The following ADARB2 variants were observed in gnomAD, a reference collection of about 807,000 sequenced individuals.
The protein encoded by ADARB2 is adenosine deaminase RNA specific B2 (inactive).
Under a neutral mutation model 62.2 loss-of-function variants are expected in ADARB2, and 25 were observed. That is an observed-to-expected ratio of 0.40 (90% CI 0.29 to 0.56). The LOEUF is 0.56. Among genes scored for constraint, ADARB2 ranks in the 20% least tolerant of loss-of-function variants. ADARB2 has a pLI of 0.43. For synonymous variants in ADARB2, 572 were observed against 500.8 expected, an observed-to-expected ratio of 1.14 and a Z score of -1.90; for missense variants, 1,071 against 1,077.4, an observed-to-expected ratio of 0.99 and a Z score of 0.08.
intron 1 of ADARB2, among the ~76,000 whole-genome samples, chr10:1,581,769 G>A (rs1833102926): frequency 6.6e-6 from 1 of 152,020 alleles, no homozygotes; most frequent in Non-Finnish European, 1.5e-5. Flanking sequence ...CATAGACATA[G>A]TGCATAGAGA....
chr10:1,247,312 A>T (rs1367749418), intron 4 of ADARB2, among the ~76,000 whole-genome samples: 1 of 152,300 alleles, frequency 6.6e-6, no homozygotes, highest in Admixed American at 6.5e-5. Flanking sequence ...CTAATTGAAT[A>T]ACCTTTATTT....
At position 1,598,710 on chromosome 10, in the gene ADARB2, G is replaced by C. The variant is rs964915485; in HGVS notation, c.100+138341C>G. On this transcript the variant is annotated intron_variant, in intron 1 of 9. Transcript: ENST00000381312. Reference sequence around the variant, plus strand: ...TGCAGAAGGCCCCAGGAGAGCTGGCGTGGGGACACGAAGGAGCTGGCTGTC... The same window carrying C: ...TGCAGAAGGCCCCAGGAGAGCTGGCCTGGGGACACGAAGGAGCTGGCTGTC... 2.0e-5 allele frequency among the ~76,000 whole-genome samples: 3 copies of C among 152,242 alleles called. No individual in the cohort carries two copies. The East Asian group carries it at 5.8e-4, about 29-fold the overall frequency.
chr10:1,697,157 C>T (rs944925501), intron 1 of ADARB2, among the ~76,000 whole-genome samples: 3 of 152,104 alleles, frequency 2.0e-5, no homozygotes, highest in South Asian at 2.1e-4. Flanking sequence ...CTGCTCGGGC[C>T]TCTGTGTGCG....
chr10:1,523,391 G>A (rs902800973), intron 1 of ADARB2, among the ~76,000 whole-genome samples: 5 of 152,300 alleles, frequency 3.3e-5, no homozygotes, highest in African/African-American at 1.2e-4. Flanking sequence ...CGGTTACAGG[G>A]TTAAGTTACA....
chr10:1,641,526 C>T (rs980380686), intron 1 of ADARB2, among the ~76,000 whole-genome samples: 1 of 152,200 alleles, frequency 6.6e-6, no homozygotes, highest in African/African-American at 2.4e-5. Flanking sequence ...AGAAACTCAT[C>T]TGTAGTTAAA....
chr10:1,632,415 T>C (rs1833854493), intron 1 of ADARB2, among the ~76,000 whole-genome samples: 1 of 151,744 alleles, frequency 6.6e-6, no homozygotes. Context: ...ATACACATTA[T>C]ACATGGGCAC....
At chr10:1,471,481 C>T (rs1831321789) in intron 1 of ADARB2, among the ~76,000 whole-genome samples, 1 of 152,068 alleles carries the variant, frequency 6.6e-6, no homozygotes, top group Non-Finnish European at 1.5e-5. Context: ...ACCTCTGCCT[C>T]CCAGGTTCAA....
intron 4 of ADARB2, among the ~76,000 whole-genome samples, chr10:1,267,630 AAG>A (rs1363551618): frequency 6.6e-6 from 1 of 152,052 alleles, no homozygotes; most frequent in Non-Finnish European, 1.5e-5. Context: ...TAAGAGAAAA[AAG>A]AAGACATTCC....
chr10:1,605,343 A>G (rs1201691096), intron 1 of ADARB2, among the ~76,000 whole-genome samples: 1 of 152,204 alleles, frequency 6.6e-6, no homozygotes, highest in East Asian at 1.9e-4. Context: ...TCTTACTGTG[A>G]CAATGTCACC....
intron 3 of ADARB2, among the ~76,000 whole-genome samples, chr10:1,328,498 G>A (rs559426463): frequency 6.6e-6 from 1 of 151,912 alleles, no homozygotes; most frequent in Non-Finnish European, 1.5e-5. Flanking sequence ...ATTCAAACCC[G>A]CGTCCTGTTT....
chr10:1,572,402 T>C (rs1345857000), intron 1 of ADARB2, among the ~76,000 whole-genome samples: 4 of 152,092 alleles, frequency 2.6e-5, no homozygotes, highest in African/African-American at 7.2e-5. Flanking sequence ...GCCACCAGCA[T>C]ATAGAAGAGG....
At chr10:1,231,109 G>A (rs1830800268) in intron 6 of ADARB2, among the ~76,000 whole-genome samples, 2 of 152,068 alleles carry the variant, frequency 1.3e-5, no homozygotes, top group African/African-American at 2.4e-5. Flanking sequence ...GGGAGACCAC[G>A]GGGTCTCAGG....
rs187042998 is a variant in ADARB2, at chr10:1,302,473, G to A, written c.1078-31404C>T. On this transcript the variant is annotated intron_variant, in intron 3 of 9. Transcript: ENST00000381312. ...GGGAGGGGCGCCCACCATTGGCCAG[G>A]CTTGCTTAGGTAAACAAAGCAGCCG... Among the ~76,000 whole-genome samples, 18 of 152,330 alleles carry A rather than the reference G, an allele frequency of 1.2e-4. No homozygotes were observed. In the East Asian group the frequency reaches 3.5e-3, roughly 29 times the overall value.
intron 3 of ADARB2, among the ~76,000 whole-genome samples, chr10:1,300,432 C>G (rs991410555): frequency 2.6e-5 from 4 of 152,220 alleles, no homozygotes; most frequent in African/African-American, 9.6e-5. Flanking sequence ...GGGGCACCCC[C>G]ACGCCTCTCC....
intron 1 of ADARB2, among the ~76,000 whole-genome samples, chr10:1,631,252 C>A (rs1480938485): frequency 6.6e-6 from 1 of 152,102 alleles, no homozygotes; most frequent in Non-Finnish European, 1.5e-5. Context: ...TACTTTCTTC[C>A]TTCCTCCATT....
chr10:1,199,221 C>CCT (rs1370234634), intron 8 of ADARB2, among the ~76,000 whole-genome samples: 1 of 152,102 alleles, frequency 6.6e-6, no homozygotes, highest in Non-Finnish European at 1.5e-5. Context: ...CCCACCCCCC[C>CCT]GCTTCCCGCT....
chr10:1,564,910 C>T (rs1446895068), intron 1 of ADARB2, among the ~76,000 whole-genome samples: 2 of 152,018 alleles, frequency 1.3e-5, no homozygotes, highest in Non-Finnish European at 1.5e-5. Context: ...CCTGTGATCT[C>T]AATTCATCTA....
chr10:1,419,810 G>A (rs943138829), intron 1 of ADARB2, among the ~76,000 whole-genome samples: 4 of 152,120 alleles, frequency 2.6e-5, no homozygotes, highest in Non-Finnish European at 5.9e-5. Flanking sequence ...ACATCACATC[G>A]GAGGGATTCG....
At chr10:1,672,508 C>T (rs1302291993) in intron 1 of ADARB2, among the ~76,000 whole-genome samples, 1 of 152,188 alleles carries the variant, frequency 6.6e-6, no homozygotes, top group Non-Finnish European at 1.5e-5. Flanking sequence ...CTCCAGGCCG[C>T]ACTTCTCCAA....
Sources: allele counts gnomAD v4.1 joint callset (sites outside exome capture counted in the v4.1 genomes callset), GRCh38; gene constraint gnomAD v4.1.1; transcripts MANE v1.5; gene names NCBI Gene and HGNC (gene_info 2026-07-23, HGNC 2026-07-21).